ATP1B3: variants seen among roughly 807,000 people sequenced by gnomAD.
The protein encoded by ATP1B3 is sodium/potassium-transporting ATPase subunit beta-3.
Under a neutral mutation model 30.2 loss-of-function variants are expected in ATP1B3, and 10 were observed. The observed-to-expected ratio is 0.33, with a 90% CI of 0.20 to 0.56. The LOEUF (loss-of-function observed/expected upper bound fraction) is 0.56. Among genes scored for constraint, ATP1B3 ranks in the 20% least tolerant of loss-of-function variants. ATP1B3 has a pLI of 0.90. For missense variants in ATP1B3, 238 were observed against 336.7 expected (o/e 0.71, Z 2.29); for synonymous variants, 113 against 117.0 (o/e 0.97, Z 0.22).
intron 1 of ATP1B3, among the ~76,000 whole-genome samples, chr3:141,891,209 A>G (rs939300887): frequency 1.3e-5 from 2 of 152,188 alleles, no homozygotes; most frequent in Non-Finnish European, 2.9e-5. Flanking sequence ...ATTCCTGTGT[A>G]TCATCACACT....
chr3:141,921,135 C>T (rs1050302949), intron 5 of ATP1B3, among the ~76,000 whole-genome samples: 4 of 152,042 alleles, frequency 2.6e-5, no homozygotes, highest in Non-Finnish European at 5.9e-5. Context: ...GTTCCGTAAG[C>T]CCAGCACTGA....
Position 141,901,326 on chromosome 3 carries a change from C to A in ATP1B3, c.110-2294C>A, listed in dbSNP as rs900959876. 3.3e-5 allele frequency among the ~76,000 whole-genome samples: 5 copies of A among 152,282 alleles called. No individual in the cohort carries two copies. In the South Asian group the frequency reaches 1.0e-3, roughly 32 times the overall value. On this transcript the variant is annotated intron_variant, in intron 1 of 6. Transcript: ENST00000286371. ...ACATCTGAGTAACTAATTTAACTGC[C>A]ATTTTACACCTGGGTAAGAGCAGCA...
intron 3 of ATP1B3, among the ~76,000 whole-genome samples, chr3:141,912,024 A>G (rs1934371410): frequency 6.6e-6 from 1 of 152,190 alleles, no homozygotes. Flanking sequence ...CCTTGGGGAA[A>G]TTGGTGAAGG....
At chr3:141,923,636 G>T (rs1220806807) in intron 6 of ATP1B3, among the ~76,000 whole-genome samples, 1 of 152,226 alleles carries the variant, frequency 6.6e-6, no homozygotes, top group South Asian at 2.1e-4. Context: ...TGTAGACTTT[G>T]TTGAAAATCC....
chr3:141,916,134 G>T, intron 5 of ATP1B3, 114 bp downstream of exon 5: 2 of 845,732 alleles, frequency 2.4e-6, no homozygotes, highest in Admixed American at 2.5e-5. Context: ...AAAGTCCTTT[G>T]TAGTGCCTTA....
At chr3:141,904,454 C>T (rs142094771) in intron 2 of ATP1B3, among the ~76,000 whole-genome samples, 1 of 152,070 alleles carries the variant, frequency 6.6e-6, no homozygotes, top group African/African-American at 2.4e-5. Flanking sequence ...TATTTTGGCA[C>T]TAGCTTCAGT....
At chr3:141,886,524 G>C (rs983439237) in intron 1 of ATP1B3, among the ~76,000 whole-genome samples, 2 of 152,102 alleles carry the variant, frequency 1.3e-5, no homozygotes, top group African/African-American at 4.8e-5. Context: ...AAAGTTTCCA[G>C]ATAGGGCATC....
chr3:141,910,791 T>A (rs942366612), intron 3 of ATP1B3, among the ~76,000 whole-genome samples: 24 of 145,064 alleles, frequency 1.7e-4, no homozygotes, highest in South Asian at 1.3e-3. Flanking sequence ...CCCTTTTTTT[T>A]AATTATTTTT....
chr3:141,892,802 A>C (rs1406843220), intron 1 of ATP1B3, among the ~76,000 whole-genome samples: 1 of 152,144 alleles, frequency 6.6e-6, no homozygotes, highest in African/African-American at 2.4e-5. Context: ...CGTTTTGGAC[A>C]TGATGGTAAT....
chr3:141,924,428 CAGG>C (rs1934618537), intron 6 of ATP1B3, among the ~76,000 whole-genome samples: 1 of 150,762 alleles, frequency 6.6e-6, no homozygotes, highest in Admixed American at 6.6e-5. Flanking sequence ...CATCTGGGGT[CAGG>C]AGTTCGAGAC....
At chr3:141,921,069 A>AT (rs993121929) in intron 5 of ATP1B3, among the ~76,000 whole-genome samples, 2 of 152,032 alleles carry the variant, frequency 1.3e-5, no homozygotes, top group Admixed American at 6.5e-5. Context: ...TCTCAAAAAA[A>AT]TTTTTTTATA....
At chr3:141,882,879 C>T (rs1933755915) in intron 1 of ATP1B3, among the ~76,000 whole-genome samples, 1 of 152,192 alleles carries the variant, frequency 6.6e-6, no homozygotes, top group South Asian at 2.1e-4. Flanking sequence ...AGCCACCGCG[C>T]CCGGCCTCAT....
chr3:141,902,939 C>G (rs1222239107), intron 1 of ATP1B3: 1 of 152,110 alleles, frequency 6.6e-6, no homozygotes, highest in Non-Finnish European at 1.5e-5. Flanking sequence ...TATGGAACGA[C>G]TCACAAATTT....
At position 141,890,299 on chromosome 3, in the gene ATP1B3, T is replaced by C. The variant is rs1933924999; in HGVS notation, c.110-13321T>C. Among the ~76,000 whole-genome samples, 4 of 93,368 alleles carry C rather than the reference T, an allele frequency of 4.3e-5. 1 individual carries two copies. Among genetic ancestry groups the C allele is most frequent in the African/African-American group, 1.6e-4 (4 of 24,252 alleles). The allele number at this position is 93,368 out of a possible 152,430, so 61.3% of individuals were successfully genotyped here. A position where few individuals can be genotyped will look rare whatever the true frequency, so the allele number is the denominator to read the frequency against. On this transcript the variant is annotated intron_variant, in intron 1 of 6. Coordinates refer to ENST00000286371, the MANE Select transcript of ATP1B3 (RefSeq NM_001679.4). The stretch of plus-strand genomic sequence containing the variant: ...TTTTTGTGGGGCTTTTTTTTTTTTT[T>C]TTTTTTTTTTTTTTTTTTTTTGAGA...
At chr3:141,910,366 C>A in intron 3 of ATP1B3, among the ~76,000 whole-genome samples, 1 of 152,192 alleles carries the variant, frequency 6.6e-6, no homozygotes, top group Non-Finnish European at 1.5e-5. Context: ...TTACACTTTT[C>A]CTGCTGGTTC....
chr3:141,908,411 A>G (rs1248424351), intron 3 of ATP1B3, among the ~76,000 whole-genome samples: 2 of 152,108 alleles, frequency 1.3e-5, no homozygotes, highest in African/African-American at 2.4e-5. Context: ...GCTCCCTAGA[A>G]CATTACTTTA....
chr3:141,902,080 C>T (rs1934173651), intron 1 of ATP1B3: 2 of 1,228,398 alleles, frequency 1.6e-6, no homozygotes, highest in Non-Finnish European at 2.1e-6. Context: ...GTTTCATTTC[C>T]CTCTATAGCA....
At chr3:141,892,112 C>G (rs1933965736) in intron 1 of ATP1B3, among the ~76,000 whole-genome samples, 1 of 152,004 alleles carries the variant, frequency 6.6e-6, no homozygotes, top group Admixed American at 6.6e-5. Flanking sequence ...ATGTTAACAT[C>G]TCTGGTCATG....
chr3:141,903,790 T>G (rs1355440177), intron 2 of ATP1B3, 42 bp downstream of exon 2: 23 of 1,594,680 alleles, frequency 1.4e-5, no homozygotes, highest in African/African-American at 8.2e-5. Context: ...TGTTTTTTGT[T>G]TTTTTTTTGA....
Sources: allele counts gnomAD v4.1 joint callset (sites outside exome capture counted in the v4.1 genomes callset), GRCh38; gene constraint gnomAD v4.1.1; transcripts MANE v1.5; gene names NCBI Gene and HGNC (gene_info 2026-07-23, HGNC 2026-07-21).